The following PRKG1 variants were observed in gnomAD, a reference collection of about 807,000 sequenced individuals.
The protein encoded by PRKG1 is protein kinase cGMP-dependent 1.
A neutral mutation model predicts 88.1 loss-of-function variants in PRKG1; 35 were observed. That is an observed-to-expected ratio of 0.40 (90% CI 0.30 to 0.53). The LOEUF is 0.53. Ranked by LOEUF, PRKG1 falls within the 20% of genes least tolerant of loss-of-function variation. The pLI is 0.59. For missense variants in PRKG1, 540 were observed against 839.8 expected (o/e 0.64, Z 4.41); for synonymous variants, 303 against 292.5 (o/e 1.04, Z -0.37).
At position 51,452,429 on chromosome 10, in the gene PRKG1, G is replaced by A. The variant is rs12777860; in HGVS notation, c.479-15294G>A. The stretch of plus-strand genomic sequence containing the variant: ...TCAGTGTGGTGTTGGCTGTGCGTTT[G>A]TCATAGATGGCTTTTATTACCTTGA... On this transcript the variant is annotated intron_variant, in intron 2 of 17. Transcript: ENST00000373980. Among the ~76,000 whole-genome samples the A allele has an allele frequency of 2.5e-3, 375 of 152,024 alleles. 1 individual carries two copies. Among genetic ancestry groups the A allele is most frequent in the Non-Finnish European group, 4.2e-3 (284 of 67,900 alleles).
intron 9 of PRKG1, among the ~76,000 whole-genome samples, chr10:52,186,212 G>A (rs1007339510): frequency 2.6e-5 from 4 of 152,164 alleles, no homozygotes; most frequent in Non-Finnish European, 5.9e-5. Flanking sequence ...AGAGCCTTAG[G>A]AAACTTCCAG....
chr10:51,656,609 C>A (rs553017018), intron 3 of PRKG1, among the ~76,000 whole-genome samples: 5 of 152,180 alleles, frequency 3.3e-5, no homozygotes, highest in Admixed American at 1.3e-4. Flanking sequence ...CTATAATGGC[C>A]TCCTAACTCA....
At chr10:51,782,205 G>T (rs1015813350) in intron 3 of PRKG1, among the ~76,000 whole-genome samples, 1 of 152,016 alleles carries the variant, frequency 6.6e-6, no homozygotes, top group African/African-American at 2.4e-5. Context: ...CAACTTACAA[G>T]GGTTCAACTT....
At chr10:52,031,042 A>G (rs1383589704) in intron 5 of PRKG1, among the ~76,000 whole-genome samples, 3 of 152,056 alleles carry the variant, frequency 2.0e-5, no homozygotes, top group Admixed American at 6.6e-5. Flanking sequence ...ACTCAGATCC[A>G]TTATTTATTC....
intron 5 of PRKG1, among the ~76,000 whole-genome samples, chr10:51,915,304 CTT>C (rs1336893484): frequency 2.0e-5 from 3 of 152,250 alleles, no homozygotes; most frequent in Non-Finnish European, 4.4e-5. Context: ...TATTAGTTCT[CTT>C]TGAAATCTGT....
At chr10:52,268,244 G>C (rs929455373) in intron 10 of PRKG1, among the ~76,000 whole-genome samples, 12 of 152,234 alleles carry the variant, frequency 7.9e-5, no homozygotes, top group Non-Finnish European at 1.8e-4. Context: ...CAGTAGGTTA[G>C]CAGTATAGTT....
At chr10:51,891,689 T>A (rs183206117) in intron 4 of PRKG1, among the ~76,000 whole-genome samples, 3 of 152,158 alleles carry the variant, frequency 2.0e-5, no homozygotes, top group Non-Finnish European at 4.4e-5. Context: ...ATATTATAGG[T>A]TTGCAGGTCA....
intron 7 of PRKG1, among the ~76,000 whole-genome samples, chr10:52,080,661 A>C (rs145258055): frequency 6.6e-6 from 1 of 152,264 alleles, no homozygotes. Flanking sequence ...TCTATTTTTT[A>C]ATCTTAAATT....
intron 3 of PRKG1, among the ~76,000 whole-genome samples, chr10:51,620,711 C>T (rs1203268803): frequency 6.6e-6 from 1 of 152,006 alleles, no homozygotes; most frequent in Admixed American, 6.6e-5. Flanking sequence ...ATGTACAAGT[C>T]AGGTAATCCT....
In PRKG1 at chr10:51,758,896, A is replaced by T. The variant is rs530415905; in HGVS notation, c.593-45689A>T. Among the ~76,000 whole-genome samples the T allele has an allele frequency of 2.5e-4, 34 of 135,708 alleles. No homozygotes were observed. The South Asian group carries it at 6.5e-3, about 26-fold the overall frequency. The allele number at this position is 135,708 out of a possible 152,430, so 89.0% of individuals were successfully genotyped here. A position where few individuals can be genotyped will look rare whatever the true frequency, so the allele number is the denominator to read the frequency against. On this transcript the variant is annotated intron_variant, in intron 3 of 17. Transcript: ENST00000373980. ...AGAGTGTGATGTTTCCCTCCCTGTGACCATGTGTTCTCATTGTTCAACTCC... is the reference window on the plus strand; with the variant it reads ...AGAGTGTGATGTTTCCCTCCCTGTGTCCATGTGTTCTCATTGTTCAACTCC...
intron 3 of PRKG1, among the ~76,000 whole-genome samples, chr10:51,488,015 C>T (rs1160909121): frequency 6.6e-6 from 1 of 151,946 alleles, no homozygotes; most frequent in African/African-American, 2.4e-5. Flanking sequence ...TACTGTATAT[C>T]GATAATACAT....
At chr10:51,669,353 C>G (rs534436468) in intron 3 of PRKG1, among the ~76,000 whole-genome samples, 1 of 152,108 alleles carries the variant, frequency 6.6e-6, no homozygotes, top group East Asian at 1.9e-4. Context: ...AGGACACCAG[C>G]GCTAATGGAT....
At chr10:52,008,832 CCATGAT>C (rs1278545936) in intron 5 of PRKG1, among the ~76,000 whole-genome samples, 1 of 152,108 alleles carries the variant, frequency 6.6e-6, no homozygotes, top group Non-Finnish European at 1.5e-5. Flanking sequence ...AGCTAATTCA[CCATGAT>C]CAAGTAGGCT....
At chr10:51,286,528 C>G (rs887062337) in intron 2 of PRKG1, among the ~76,000 whole-genome samples, 1 of 152,074 alleles carries the variant, frequency 6.6e-6, no homozygotes, top group African/African-American at 2.4e-5. Context: ...TGCTTTTCCT[C>G]TCTTAGCTGT....
chr10:51,074,937 C>T, intron 1 of PRKG1, 36 bp downstream of exon 1: 1 of 1,546,740 alleles, frequency 6.5e-7, no homozygotes, highest in South Asian at 1.2e-5. Flanking sequence ...CATGTGGCGC[C>T]CTGGCGATGG....
chr10:52,119,479 T>C (rs1037658415), intron 7 of PRKG1, among the ~76,000 whole-genome samples: 3 of 152,214 alleles, frequency 2.0e-5, no homozygotes, highest in Non-Finnish European at 4.4e-5. Context: ...CTTTGAAATA[T>C]GTGACCATGC....
At chr10:52,216,478 T>G (rs1840114000) in intron 9 of PRKG1, among the ~76,000 whole-genome samples, 1 of 152,212 alleles carries the variant, frequency 6.6e-6, no homozygotes, top group Non-Finnish European at 1.5e-5. Flanking sequence ...AATTGAATAG[T>G]CAGAGTTAGA....
chr10:51,716,494 G>C (rs770325511), intron 3 of PRKG1, among the ~76,000 whole-genome samples: 1 of 152,118 alleles, frequency 6.6e-6, no homozygotes, highest in Non-Finnish European at 1.5e-5. Flanking sequence ...TTTACTTAAA[G>C]TGTTTCCTGG....
At chr10:51,520,090 C>T (rs554889840) in intron 3 of PRKG1, among the ~76,000 whole-genome samples, 3 of 152,010 alleles carry the variant, frequency 2.0e-5, no homozygotes, top group Non-Finnish European at 4.4e-5. Context: ...GTAGTTCATT[C>T]TCAAACTAAT....
Sources: allele counts gnomAD v4.1 joint callset (sites outside exome capture counted in the v4.1 genomes callset), GRCh38; gene constraint gnomAD v4.1.1; transcripts MANE v1.5; gene names NCBI Gene and HGNC (gene_info 2026-07-23, HGNC 2026-07-21).